ADGRB3: variants seen among roughly 807,000 people sequenced by gnomAD.
The protein encoded by ADGRB3 is adhesion G protein-coupled receptor B3.
ADGRB3 carries 37 observed loss-of-function variants against 193.4 expected under a neutral mutation model. The observed-to-expected ratio is 0.19, with a 90% confidence interval of 0.15 to 0.25. ADGRB3 has a LOEUF of 0.25. Ranked by LOEUF, ADGRB3 falls within the 10% of genes least tolerant of loss-of-function variation. The pLI is 1.00. For missense variants in ADGRB3, 1,637 were observed against 1,852.9 expected, an observed-to-expected ratio of 0.88 and a Z score of 2.14; for synonymous variants, 690 against 644.2, an observed-to-expected ratio of 1.07 and a Z score of -1.08.
rs139119877 is a variant in ADGRB3, at chr6:68,779,649, A to G, written c.757+140217A>G. On this transcript the variant is annotated intron_variant, in intron 3 of 31. Transcript: ENST00000370598. The stretch of plus-strand genomic sequence containing the variant: ...CTTTTCATATGCCAAGCACTGTGCC[A>G]AATTAATCTAGGCTAATCACAGACA... 4.6e-5 allele frequency among the ~76,000 whole-genome samples: 7 copies of G among 152,238 alleles called. No individual in the cohort carries two copies. The East Asian group carries it at 1.4e-3, about 29-fold the overall frequency.
chr6:69,307,938 T>A (rs2127299165), intron 20 of ADGRB3, among the ~76,000 whole-genome samples: 1 of 151,540 alleles, frequency 6.6e-6, no homozygotes, highest in East Asian at 1.9e-4. Context: ...AAGAGTAAAT[T>A]CTGGTGACAA....
chr6:69,043,256 G>T lies in ADGRB3; in HGVS notation c.2108-4929G>T, dbSNP rs188557259. On this transcript the variant is annotated intron_variant, in intron 13 of 31. Transcript: ENST00000370598. ...GAAGGAGAAAGAAAGAAGAAAGAGA[G>T]AAAGAAAGGGAAAGAAAAGGAAAGG... Among the ~76,000 whole-genome samples, 174 of 109,924 alleles carry T rather than the reference G, an allele frequency of 1.6e-3. 1 individual carries two copies. The highest frequency in any genetic ancestry group is 5.4e-3 in the African/African-American group (173 of 32,148). 72.1% of individuals were successfully genotyped at this position (109,924 alleles called of 152,430 possible).
At chr6:69,132,766 G>C (rs1196860512) in intron 17 of ADGRB3, among the ~76,000 whole-genome samples, 1 of 151,930 alleles carries the variant, frequency 6.6e-6, no homozygotes. Flanking sequence ...TAGGTCTTAT[G>C]TTTAAGTCTT....
At chr6:68,781,764 G>A (rs1267369948) in intron 3 of ADGRB3, among the ~76,000 whole-genome samples, 3 of 151,966 alleles carry the variant, frequency 2.0e-5, no homozygotes, top group Admixed American at 6.6e-5. Context: ...AGAAAAGTGG[G>A]GCTCCTGGAT....
chr6:69,007,693 T>TCACACA (rs764934080), intron 11 of ADGRB3, among the ~76,000 whole-genome samples: 7 of 90,170 alleles, frequency 7.8e-5, no homozygotes, highest in Admixed American at 2.1e-4. Flanking sequence ...TCTCTCTCTC[T>TCACACA]CACACACACA....
rs544463011 is a variant in ADGRB3, at chr6:68,675,051, T to G, written c.757+35619T>G. Among the ~76,000 whole-genome samples, 6 of 152,274 alleles carry G rather than the reference T, an allele frequency of 3.9e-5. 1 individual carries two copies. The South Asian group carries it at 1.0e-3, about 26-fold the overall frequency. ...TGTGTTTCAGGCTCTTCCTTCAATATGTATTGCGAATAGTGAGATTTATTA... is the reference window on the plus strand; with the variant it reads ...TGTGTTTCAGGCTCTTCCTTCAATAGGTATTGCGAATAGTGAGATTTATTA... On this transcript the variant is annotated intron_variant, in intron 3 of 31. Coordinates refer to ENST00000370598, the MANE Select transcript of ADGRB3 (RefSeq NM_001704.3).
chr6:68,715,534 C>T (rs187194227), intron 3 of ADGRB3, among the ~76,000 whole-genome samples: 8 of 151,756 alleles, frequency 5.3e-5, no homozygotes, highest in Admixed American at 2.6e-4. Context: ...CATACTAGAG[C>T]CAAGGTTTTT....
intron 31 of ADGRB3, among the ~76,000 whole-genome samples, chr6:69,384,127 A>G (rs1435314360): frequency 1.3e-5 from 2 of 151,974 alleles, no homozygotes; most frequent in African/African-American, 2.4e-5. Context: ...CATGGCTTCT[A>G]TTGATTTATA....
intron 3 of ADGRB3, among the ~76,000 whole-genome samples, chr6:68,813,942 A>T (rs1767572199): frequency 6.6e-6 from 1 of 152,054 alleles, no homozygotes; most frequent in South Asian, 2.1e-4. Flanking sequence ...ACATTTTCTT[A>T]ATCCAGTCTA....
intron 10 of ADGRB3, among the ~76,000 whole-genome samples, chr6:68,984,133 G>A (rs1769005325): frequency 6.6e-6 from 1 of 152,128 alleles, no homozygotes; most frequent in African/African-American, 2.4e-5. Context: ...TTAATACTAA[G>A]TGCAATGGGA....
At chr6:68,794,897 ACT>A in intron 3 of ADGRB3, among the ~76,000 whole-genome samples, 1 of 151,988 alleles carries the variant, frequency 6.6e-6, no homozygotes, top group South Asian at 2.1e-4. Context: ...ATGGCAAAAC[ACT>A]CTATTTCCTC....
intron 10 of ADGRB3, among the ~76,000 whole-genome samples, chr6:68,976,471 C>T (rs1768752507): frequency 6.6e-6 from 1 of 151,970 alleles, no homozygotes; most frequent in African/African-American, 2.4e-5. Flanking sequence ...GCGCCAACAC[C>T]CAGGGCAGTC....
chr6:68,976,443 A>C (rs758767996), intron 10 of ADGRB3, among the ~76,000 whole-genome samples: 9 of 152,136 alleles, frequency 5.9e-5, no homozygotes, highest in Non-Finnish European at 1.3e-4. Context: ...TGACCCTTGA[A>C]TAATGTGGCC....
rs143571584 is a variant in ADGRB3, at chr6:68,827,121, G to C, written c.758-103438G>C. On this transcript the variant is annotated intron_variant, in intron 3 of 31. Transcript: ENST00000370598. ...TAAATTGTAGGGATTGAGTCCTAGG[G>C]AGCTCTATATTGCGAGATTTGGGAG... 2.0e-4 allele frequency among the ~76,000 whole-genome samples: 30 copies of C among 152,246 alleles called. No homozygotes were observed. The East Asian group carries it at 5.8e-3, about 29-fold the overall frequency.
chr6:69,131,431 A>G (rs764569361), intron 17 of ADGRB3, among the ~76,000 whole-genome samples: 1 of 152,042 alleles, frequency 6.6e-6, no homozygotes. Flanking sequence ...ACCTATCTCA[A>G]GTTTTTGGGG....
intron 15 of ADGRB3, among the ~76,000 whole-genome samples, chr6:69,060,212 CTCTCTCTT>C (rs1771696027): frequency 7.3e-6 from 1 of 137,122 alleles, no homozygotes; most frequent in South Asian, 2.4e-4. Context: ...CTCTGTCTCT[CTCTCTCTT>C]TCTCTCTCTC....
At chr6:68,756,392 C>G (rs1562017382) in intron 3 of ADGRB3, among the ~76,000 whole-genome samples, 1 of 152,202 alleles carries the variant, frequency 6.6e-6, no homozygotes, top group East Asian at 1.9e-4. Flanking sequence ...TTTTCATACA[C>G]AGAGCACTTT....
intron 1 of ADGRB3, among the ~76,000 whole-genome samples, chr6:68,636,222 C>T (rs1767946064): frequency 6.6e-6 from 1 of 151,790 alleles, no homozygotes; most frequent in African/African-American, 2.4e-5. Context: ...AAGGAATAAG[C>T]GGAGAGACCT....
Position 69,131,821 on chromosome 6 carries a change from C to G in ADGRB3, c.2480+55783C>G, listed in dbSNP as rs1010161558. On this transcript the variant is annotated intron_variant, in intron 17 of 31. Coordinates refer to ENST00000370598, the MANE Select transcript of ADGRB3 (RefSeq NM_001704.3). ...GCCCTTTTGTGAGATGTTCCCCTCC[C>G]TGTGTCCATGTTTTCTCATTGTTCA... is the stretch of plus-strand genomic sequence containing the variant. Among the ~76,000 whole-genome samples, 3 of 151,678 alleles carry G rather than the reference C, an allele frequency of 2.0e-5. No individual in the cohort carries two copies. The Middle Eastern group carries it at 0.01, about 516-fold the overall frequency.
Sources: allele counts gnomAD v4.1 joint callset (sites outside exome capture counted in the v4.1 genomes callset), GRCh38; gene constraint gnomAD v4.1.1; transcripts MANE v1.5; gene names NCBI Gene and HGNC (gene_info 2026-07-23, HGNC 2026-07-21).